Variants in MCU observed in about 807,000 individuals in gnomAD.
The protein encoded by MCU is calcium uniporter protein, mitochondrial.
A neutral mutation model predicts 45.2 loss-of-function variants in MCU; 12 were observed. The ratio of observed to expected loss-of-function variants is 0.27; its 90% CI spans 0.17 to 0.43. The LOEUF is 0.43. Among genes scored for constraint, MCU ranks in the 20% least tolerant of loss-of-function variants. The pLI is 1.00. For synonymous variants in MCU, 160 were observed against 165.1 expected (o/e 0.97, Z 0.24); for missense variants, 324 against 436.7 (o/e 0.74, Z 2.30).
At chr10:72,698,660 A>G (rs1330223416) in intron 1 of MCU, among the ~76,000 whole-genome samples, 2 of 152,114 alleles carry the variant, frequency 1.3e-5, no homozygotes, top group Non-Finnish European at 2.9e-5. Flanking sequence ...ACGCGCCACC[A>G]CGCCCAGCCA....
intron 1 of MCU, among the ~76,000 whole-genome samples, chr10:72,811,101 G>T (rs1437705420): frequency 6.6e-6 from 1 of 152,140 alleles, no homozygotes; most frequent in Non-Finnish European, 1.5e-5. Context: ...ACCAACTGGG[G>T]TCACCCTTTG....
intron 6 of MCU, among the ~76,000 whole-genome samples, chr10:72,883,399 A>G (rs1845734933): frequency 6.6e-6 from 1 of 152,196 alleles, no homozygotes; most frequent in African/African-American, 2.4e-5. Context: ...AGCTTTTTTT[A>G]AAAATGAGAC....
intron 1 of MCU, among the ~76,000 whole-genome samples, chr10:72,775,243 C>T (rs1843872897): frequency 6.6e-6 from 1 of 151,880 alleles, no homozygotes; most frequent in Non-Finnish European, 1.5e-5. Flanking sequence ...ACAGAAGGAC[C>T]CTGGAAAATA....
intron 1 of MCU, among the ~76,000 whole-genome samples, chr10:72,767,557 G>C (rs1447511332): frequency 6.6e-6 from 1 of 151,766 alleles, no homozygotes; most frequent in Non-Finnish European, 1.5e-5. Context: ...TATGTTGCTT[G>C]GGTTGGTCTT....
intron 2 of MCU, among the ~76,000 whole-genome samples, chr10:72,854,403 TAAA>T (rs751731412): frequency 5.9e-5 from 9 of 152,182 alleles, no homozygotes; most frequent in Non-Finnish European, 1.3e-4. Context: ...AAAATTTCTT[TAAA>T]AGATAATCAA....
intron 2 of MCU, among the ~76,000 whole-genome samples, chr10:72,856,768 T>TAAAA (rs1204072398): frequency 3.1e-5 from 2 of 64,950 alleles, no homozygotes; most frequent in African/African-American, 1.2e-4. Flanking sequence ...ACCCTGTCTC[T>TAAAA]AAAAAAAAAA....
rs1230752980 is a variant in MCU at position 72,741,897 on chromosome 10, G to A, written c.150+49596G>A. On this transcript the variant is annotated intron_variant, in intron 1 of 7. Coordinates refer to ENST00000373053, the MANE Select transcript of MCU (RefSeq NM_138357.3). ...CCAAAAATTAGTCGGGCATGGTGGC[G>A]GGCGCCTGTAGTCCCAGCTACTGGG... Among the ~76,000 whole-genome samples the A allele has an allele frequency of 2.0e-5, 3 of 151,772 alleles. No individual in the cohort carries two copies. The East Asian group carries it at 5.8e-4, about 29-fold the overall frequency.
intron 5 of MCU, 100 bp from the exon 6 acceptor site, chr10:72,871,277 C>A: frequency 9.8e-7 from 1 of 1,024,284 alleles, no homozygotes; most frequent in Non-Finnish European, 1.5e-6. Flanking sequence ...AGACTTGTGT[C>A]TTGATGATGA....
intron 1 of MCU, among the ~76,000 whole-genome samples, chr10:72,748,036 G>C (rs1410245125): frequency 2.0e-5 from 3 of 151,102 alleles, no homozygotes; most frequent in Non-Finnish European, 4.4e-5. Flanking sequence ...ATCTTCAAGA[G>C]TCTTACGACA....
At chr10:72,824,968 C>T (rs1452768202) in intron 1 of MCU, among the ~76,000 whole-genome samples, 1 of 152,076 alleles carries the variant, frequency 6.6e-6, no homozygotes, top group Non-Finnish European at 1.5e-5. Flanking sequence ...TTATTTTAGG[C>T]TTACCTGAGA....
intron 4 of MCU, among the ~76,000 whole-genome samples, chr10:72,863,240 C>G (rs1410552644): frequency 6.6e-6 from 1 of 152,210 alleles, no homozygotes; most frequent in African/African-American, 2.4e-5. Context: ...TGACCCCTGA[C>G]CAACCAAAAA....
intron 1 of MCU, among the ~76,000 whole-genome samples, chr10:72,831,373 G>A (rs1400017033): frequency 6.6e-6 from 1 of 151,898 alleles, no homozygotes; most frequent in Non-Finnish European, 1.5e-5. Context: ...GAATGGTAGA[G>A]GGAAAGAAAA....
At chr10:72,820,259 A>G (rs1169879412) in intron 1 of MCU, among the ~76,000 whole-genome samples, 2 of 152,196 alleles carry the variant, frequency 1.3e-5, no homozygotes, top group African/African-American at 2.4e-5. Context: ...TGTGCCGGGT[A>G]CCATAGGAAC....
intron 4 of MCU, among the ~76,000 whole-genome samples, chr10:72,866,000 A>T (rs1401925904): frequency 6.7e-6 from 1 of 150,050 alleles, no homozygotes; most frequent in Non-Finnish European, 1.5e-5. Flanking sequence ...AATGGTCTTG[A>T]TCTCCTGACC....
At chr10:72,707,198 CT>C (rs1327443362) in intron 1 of MCU, among the ~76,000 whole-genome samples, 7,548 of 129,566 alleles carry the variant, frequency 0.058, 527 homozygotes, top group African/African-American at 0.19. Flanking sequence ...ATTTTGAAAT[CT>C]TTTTTTTTTT....
At chr10:72,719,890 C>A (rs923977061) in intron 1 of MCU, among the ~76,000 whole-genome samples, 2 of 152,160 alleles carry the variant, frequency 1.3e-5, no homozygotes, top group African/African-American at 4.8e-5. Flanking sequence ...ACTTCCCAAT[C>A]ATTTTTATTG....
At chr10:72,806,152 C>CTTTTT (rs774464297) in intron 1 of MCU, among the ~76,000 whole-genome samples, 12 of 120,202 alleles carry the variant, frequency 1.0e-4, no homozygotes, top group South Asian at 2.7e-4. Context: ...CCATGAAGAG[C>CTTTTT]TTTTTTTTTT....
At chr10:72,818,492 T>G (rs958317618) in intron 1 of MCU, among the ~76,000 whole-genome samples, 6 of 152,176 alleles carry the variant, frequency 3.9e-5, no homozygotes, top group African/African-American at 7.2e-5. Context: ...GATCAATTAG[T>G]GAATTGTTTA....
intron 1 of MCU, among the ~76,000 whole-genome samples, chr10:72,753,146 A>G (rs1843526205): frequency 6.6e-6 from 1 of 152,178 alleles, no homozygotes; most frequent in Non-Finnish European, 1.5e-5. Flanking sequence ...GACCTCTTAG[A>G]TTTGTATTGT....
Sources: allele counts gnomAD v4.1 joint callset (sites outside exome capture counted in the v4.1 genomes callset), GRCh38; gene constraint gnomAD v4.1.1; transcripts MANE v1.5; gene names NCBI Gene and HGNC (gene_info 2026-07-23, HGNC 2026-07-21).